The following KANK1 variants were observed in gnomAD, a reference collection of about 807,000 sequenced individuals.
KANK1 encodes the protein KN motif and ankyrin repeat domains 1.
KANK1 carries 109 observed loss-of-function variants against 106.2 expected under a neutral mutation model. The observed-to-expected ratio is 1.03, with a 90% CI of 0.88 to 1.20. The LOEUF (loss-of-function observed/expected upper bound fraction) is 1.20, where lower values mean the gene tolerates loss of function less well. KANK1 is among the 50% of genes most tolerant of loss of function. KANK1 has a pLI of 0.00. For missense variants in KANK1, 2,399 were observed against 1,710.7 expected, an observed-to-expected ratio of 1.40 and a Z score of -7.10; for synonymous variants, 873 against 652.2, an observed-to-expected ratio of 1.34 and a Z score of -5.16.
chr9:717,967 T>A (rs1828170967), intron 3 of KANK1, among the ~76,000 whole-genome samples: 1 of 151,702 alleles, frequency 6.6e-6, no homozygotes, highest in African/African-American at 2.4e-5. Flanking sequence ...TTTATACTCT[T>A]AGTTATCTTA....
chr9:745,296 G>C lies in KANK1; in HGVS notation c.*61G>C. On this transcript the variant is annotated 3_prime_UTR_variant, in exon 12 of 12. Transcript: ENST00000382297. ...TTAAGCTGCTAATTGTTCCTGTTGG[G>C]GTGACAGATACTGAATGTATACGTA... is the stretch of plus-strand genomic sequence containing the variant. 6.3e-7 allele frequency: 1 copy of C among 1,596,872 alleles called. No individual in the cohort carries two copies.
intron 1 of KANK1, among the ~76,000 whole-genome samples, chr9:631,509 C>G (rs1835729852): frequency 1.3e-5 from 2 of 150,276 alleles, no homozygotes; most frequent in South Asian, 4.2e-4. Context: ...CCCCACTATA[C>G]CTGTGCACTG....
chr9:503,949 T>C (rs1024319761), upstream of KANK1, among the ~76,000 whole-genome samples: 10 of 152,140 alleles, frequency 6.6e-5, no homozygotes, highest in African/African-American at 2.4e-4. Flanking sequence ...CATCCTCCCC[T>C]TTCCGCCGAG....
At chr9:564,719 A>T (rs1453679078) in intron 1 of KANK1, among the ~76,000 whole-genome samples, 1 of 151,642 alleles carries the variant, frequency 6.6e-6, no homozygotes, top group African/African-American at 2.4e-5. Flanking sequence ...ACCTCCTAAC[A>T]CTCTTTCAGG....
At chr9:521,861 C>A (rs2059570655) in intron 1 of KANK1, among the ~76,000 whole-genome samples, 1 of 151,632 alleles carries the variant, frequency 6.6e-6, no homozygotes, top group South Asian at 2.1e-4. Flanking sequence ...AGCCACTGTG[C>A]CTGGCTCAGA....
In KANK1 at chr9:711,682, A is replaced by C. The variant is rs748421659; in HGVS notation, c.916A>C (p.Lys306Gln). 3.1e-6 allele frequency: 5 copies of C among 1,614,100 alleles called. No homozygotes were observed. The Admixed American group carries it at 5.0e-5, about 16-fold the overall frequency. ...EEKRQLVSQL[K>Q]NQRAASQINV... ...GAAAAGGCAGTTGGTCTCACAGCTG[A>C]AAAACCAAAGGGCTGCATCCCAGAT... Residue 306 changes from lysine to glutamine, a missense_variant, in exon 3 of 12, where the codon AAA becomes CAA. Transcript: ENST00000382297.
At chr9:584,590 A>G (rs1822990300) in intron 1 of KANK1, among the ~76,000 whole-genome samples, 1 of 152,230 alleles carries the variant, frequency 6.6e-6, no homozygotes. Context: ...ACTATCATTT[A>G]CCTACAGCAG....
chr9:701,458 C>T (rs1056727598), intron 2 of KANK1, among the ~76,000 whole-genome samples: 7 of 152,122 alleles, frequency 4.6e-5, no homozygotes, highest in Non-Finnish European at 1.0e-4. Flanking sequence ...AATTTTTATT[C>T]TTCTCGCTGT....
At chr9:532,831 G>C (rs996706644) in intron 1 of KANK1, among the ~76,000 whole-genome samples, 1 of 150,280 alleles carries the variant, frequency 6.7e-6, no homozygotes, top group African/African-American at 2.5e-5. Context: ...ACCAGCAGTA[G>C]GGTCTCAACC....
intron 10 of KANK1, among the ~76,000 whole-genome samples, chr9:743,507 A>G (rs1218779201): frequency 1.3e-5 from 2 of 152,226 alleles, no homozygotes; most frequent in Non-Finnish European, 2.9e-5. Context: ...GGGAAGGATC[A>G]TAAGATTAAA....
chr9:670,415 C>T lies in KANK1; in HGVS notation c.-83-6475C>T, dbSNP rs181903608. On this transcript the variant is annotated intron_variant, in intron 1 of 11. Transcript: ENST00000382297. ...TGTTGAATTTCTTACACATTTTTCCCGCTAGGTCACTGCCTCTTTTTCAGC... is the reference window on the plus strand; with the variant it reads ...TGTTGAATTTCTTACACATTTTTCCTGCTAGGTCACTGCCTCTTTTTCAGC... Among the ~76,000 whole-genome samples, 14 of 152,212 alleles carry T rather than the reference C, an allele frequency of 9.2e-5. No homozygotes were observed. In the East Asian group the frequency reaches 2.1e-3, roughly 23 times the overall value.
At chr9:473,477 C>T (rs1285254228) in intron 3 of KANK1, among the ~76,000 whole-genome samples, 1 of 152,220 alleles carries the variant, frequency 6.6e-6, no homozygotes, top group African/African-American at 2.4e-5. Context: ...CATGACATCA[C>T]AGCTCTGTGA....
intron 1 of KANK1, among the ~76,000 whole-genome samples, chr9:574,484 G>A (rs1587941341): frequency 6.6e-6 from 1 of 152,246 alleles, no homozygotes; most frequent in East Asian, 1.9e-4. Context: ...TCATTTATAT[G>A]ATTGTTAATA....
At chr9:600,080 G>GT (rs1207225059) in intron 1 of KANK1, among the ~76,000 whole-genome samples, 2 of 151,548 alleles carry the variant, frequency 1.3e-5, no homozygotes, top group African/African-American at 2.4e-5. Flanking sequence ...TATCTTAACT[G>GT]TTTTTTTAAT....
chr9:601,235 A>C (rs566255198), intron 1 of KANK1, among the ~76,000 whole-genome samples: 1 of 151,998 alleles, frequency 6.6e-6, no homozygotes, highest in African/African-American at 2.4e-5. Flanking sequence ...AACTATCGTT[A>C]ATATAATTAT....
intron 1 of KANK1, among the ~76,000 whole-genome samples, chr9:653,344 C>G (rs781747664): frequency 1.3e-5 from 2 of 152,110 alleles, no homozygotes; most frequent in Non-Finnish European, 2.9e-5. Context: ...TCTCCAAGCT[C>G]TGCTCTGGTG....
chr9:584,376 T>A (rs1822927377), intron 1 of KANK1, among the ~76,000 whole-genome samples: 2 of 152,232 alleles, frequency 1.3e-5, no homozygotes, highest in Admixed American at 1.3e-4. Context: ...ATTATCCTCA[T>A]GATTTTTATT....
intron 1 of KANK1, chr9:539,640 A>G (rs2060482045): frequency 1.3e-5 from 2 of 151,950 alleles, no homozygotes; most frequent in South Asian, 4.2e-4. Context: ...GCAGGTGTGT[A>G]CCACCATGCC....
rs2296050 is a variant in KANK1, at chr9:740,592, G to C, written c.3554-200G>C. On this transcript the variant is annotated intron_variant, in intron 8 of 11. Transcript: ENST00000382297. ...TACCGTTGTTTCTCTTGCTTCAGGT[G>C]TCGTGAAATAGGGGGAAAAAAAGTT... Among the ~76,000 whole-genome samples the C allele has an allele frequency of 0.3, 46,153 of 151,950 alleles. 7,346 individuals are homozygous for C. Among genetic ancestry groups the C allele is most frequent in the Non-Finnish European group, 0.37 (24,861 of 67,946 alleles).
Sources: allele counts gnomAD v4.1 joint callset (sites outside exome capture counted in the v4.1 genomes callset), GRCh38; gene constraint gnomAD v4.1.1; transcripts MANE v1.5; gene names NCBI Gene and HGNC (gene_info 2026-07-23, HGNC 2026-07-21).